Variants in EFCAB11 observed in about 807,000 individuals in gnomAD.
EFCAB11 encodes EF-hand calcium binding domain 11.
Under a neutral mutation model 23.0 loss-of-function variants are expected in EFCAB11, and 14 were observed. The ratio of observed to expected loss-of-function variants is 0.61; its 90% CI spans 0.40 to 0.95. EFCAB11 has a LOEUF of 0.95. Among genes scored for constraint, EFCAB11 ranks in the 40% least tolerant of loss-of-function variants. EFCAB11 has a pLI of 0.00. For synonymous variants in EFCAB11, 65 were observed against 66.6 expected, an observed-to-expected ratio of 0.98 and a Z score of 0.11; for missense variants, 198 against 195.8, an observed-to-expected ratio of 1.01 and a Z score of -0.07.
rs1354728715 is a variant in EFCAB11, at chr14:89,838,790, A to G, written c.411-41466T>C. 2.0e-5 allele frequency among the ~76,000 whole-genome samples: 3 copies of G among 152,222 alleles called. No individual in the cohort carries two copies. The East Asian group carries it at 5.8e-4, about 29-fold the overall frequency. ...AAGGATGTCCACTATAATTTCTACTACCCAACATTATATCAGAGATCCTGA... is the reference window on the plus strand; with the variant it reads ...AAGGATGTCCACTATAATTTCTACTGCCCAACATTATATCAGAGATCCTGA... On this transcript the variant is annotated intron_variant, in intron 5 of 5. Transcript: ENST00000316738.
chr14:89,857,894 C>T lies in EFCAB11; in HGVS notation c.411-60570G>A, dbSNP rs1316925024. 3.3e-5 allele frequency among the ~76,000 whole-genome samples: 5 copies of T among 151,988 alleles called. No homozygotes were observed. The East Asian group carries it at 9.6e-4, about 29-fold the overall frequency. On this transcript the variant is annotated intron_variant, in intron 5 of 5. Transcript: ENST00000316738. ...TACAAGAGAATAAAAAGAAAGTAGG[C>T]CCTAGAAATAATAAAGTAGAAACCA... is the stretch of plus-strand genomic sequence containing the variant.
chr14:89,872,699 G>T (rs1888319293), intron 5 of EFCAB11, among the ~76,000 whole-genome samples: 1 of 152,158 alleles, frequency 6.6e-6, no homozygotes, highest in African/African-American at 2.4e-5. Flanking sequence ...AGATAGGGTT[G>T]TTAAAGAGGT....
At chr14:89,889,909 G>A (rs750652252) in intron 5 of EFCAB11, among the ~76,000 whole-genome samples, 10 of 152,188 alleles carry the variant, frequency 6.6e-5, no homozygotes, top group Non-Finnish European at 1.3e-4. Flanking sequence ...TACCCTTCCC[G>A]TGTGCTGGTT....
intron 5 of EFCAB11, among the ~76,000 whole-genome samples, chr14:89,813,681 A>G (rs1886228870): frequency 7.4e-6 from 1 of 134,620 alleles, no homozygotes; most frequent in Admixed American, 9.0e-5. Flanking sequence ...TAAAATGCCT[A>G]TGTGCTCAGC....
intron 3 of EFCAB11, among the ~76,000 whole-genome samples, chr14:89,934,726 ATGACAAAT>A (rs1382775670): frequency 6.6e-6 from 1 of 152,210 alleles, no homozygotes; most frequent in Non-Finnish European, 1.5e-5. Flanking sequence ...AGAGAACATA[ATGACAAAT>A]TGTTAGCTGA....
At chr14:89,919,865 T>C (rs926732403) in intron 5 of EFCAB11, among the ~76,000 whole-genome samples, 1 of 152,140 alleles carries the variant, frequency 6.6e-6, no homozygotes, top group Non-Finnish European at 1.5e-5. Context: ...CAGCAGCAGG[T>C]TGCAACCAAG....
chr14:89,866,707 C>G (rs571010481), intron 5 of EFCAB11, among the ~76,000 whole-genome samples: 1 of 152,330 alleles, frequency 6.6e-6, no homozygotes, highest in South Asian at 2.1e-4. Context: ...CTCAATCAGG[C>G]CCCGGGCTAT....
chr14:89,917,178 G>A (rs928496943), intron 5 of EFCAB11, among the ~76,000 whole-genome samples: 1 of 151,326 alleles, frequency 6.6e-6, no homozygotes, highest in South Asian at 2.1e-4. Flanking sequence ...TTACCATGCT[G>A]TACACTAGAT....
rs571518565 is a variant in EFCAB11, at chr14:89,927,404, T to C, written c.410+4137A>G. 1.2e-3 allele frequency among the ~76,000 whole-genome samples: 188 copies of C among 152,340 alleles called. 1 individual carries two copies. The highest frequency in any genetic ancestry group is 3.1e-3 in the Admixed American group (48 of 15,292). ...TTCTCCCTCTCTAGCTGCCTTCTCC[T>C]AGTGCTTTTCAGAGATCAGCTTTTT... On this transcript the variant is annotated intron_variant, in intron 5 of 5. Coordinates refer to ENST00000316738, the MANE Select transcript of EFCAB11 (RefSeq NM_145231.4).
chr14:89,908,862 C>T (rs558956953), intron 5 of EFCAB11, among the ~76,000 whole-genome samples: 4 of 152,114 alleles, frequency 2.6e-5, no homozygotes, highest in African/African-American at 9.7e-5. Flanking sequence ...GAAGAGCCAA[C>T]GTGTGAATGG....
chr14:89,931,665 T>C, intron 4 of EFCAB11, 34 bp from the exon 5 acceptor site: 1 of 1,572,088 alleles, frequency 6.4e-7, no homozygotes, highest in Non-Finnish European at 8.7e-7. Flanking sequence ...TTCACTTACT[T>C]TAATAAGACC....
At chr14:89,917,126 G>A (rs1889876640) in intron 5 of EFCAB11, among the ~76,000 whole-genome samples, 2 of 148,530 alleles carry the variant, frequency 1.3e-5, no homozygotes, top group South Asian at 4.2e-4. Flanking sequence ...CTTAAGATCT[G>A]CTCCCTTGGC....
intron 5 of EFCAB11, among the ~76,000 whole-genome samples, chr14:89,871,137 T>C (rs1331701131): frequency 6.6e-6 from 1 of 152,142 alleles, no homozygotes; most frequent in African/African-American, 2.4e-5. Context: ...GTGAAAATCT[T>C]TGAGACCTTT....
chr14:89,859,791 G>A (rs1274735964), intron 5 of EFCAB11, among the ~76,000 whole-genome samples: 1 of 152,170 alleles, frequency 6.6e-6, no homozygotes, highest in East Asian at 1.9e-4. Context: ...AGAGGAGGGG[G>A]CATGAGGAAC....
intron 5 of EFCAB11, among the ~76,000 whole-genome samples, chr14:89,870,417 C>T (rs1318494091): frequency 6.6e-6 from 1 of 152,106 alleles, no homozygotes; most frequent in African/African-American, 2.4e-5. Context: ...AGACACTACC[C>T]TCCACTCTAC....
At chr14:89,927,083 G>A (rs1194244412) in intron 5 of EFCAB11, among the ~76,000 whole-genome samples, 2 of 143,566 alleles carry the variant, frequency 1.4e-5, no homozygotes, top group Non-Finnish European at 3.0e-5. Context: ...TTTACATTTA[G>A]TTCTCACTTT....
chr14:89,845,632 G>A (rs1208013971), intron 5 of EFCAB11, among the ~76,000 whole-genome samples: 1 of 152,194 alleles, frequency 6.6e-6, no homozygotes, highest in African/African-American at 2.4e-5. Flanking sequence ...GGAGTGCCCA[G>A]AGGATTAACT....
intron 5 of EFCAB11, among the ~76,000 whole-genome samples, chr14:89,887,643 A>C (rs754957814): frequency 2.6e-5 from 4 of 152,234 alleles, no homozygotes; most frequent in Non-Finnish European, 4.4e-5. Context: ...TATTTACTGA[A>C]AGAAACCAGT....
chr14:89,814,710 A>G (rs894716653), intron 5 of EFCAB11, among the ~76,000 whole-genome samples: 1 of 151,910 alleles, frequency 6.6e-6, no homozygotes, highest in Non-Finnish European at 1.5e-5. Context: ...CTTTCAAAAA[A>G]AAAAAAATCA....
Sources: allele counts gnomAD v4.1 joint callset (sites outside exome capture counted in the v4.1 genomes callset), GRCh38; gene constraint gnomAD v4.1.1; transcripts MANE v1.5; gene names NCBI Gene and HGNC (gene_info 2026-07-23, HGNC 2026-07-21).